The following CLDN14 variants were observed in gnomAD, a reference collection of about 807,000 sequenced individuals.
The protein encoded by CLDN14 is claudin 14, also known as claudin-14.
Under a neutral mutation model 2.1 loss-of-function variants are expected in CLDN14, and 2 were observed. The ratio of observed to expected loss-of-function variants is 0.96; its 90% CI spans 0.39 to 3.01. CLDN14 has a LOEUF of 3.01. Ranked by LOEUF, CLDN14 falls within the 30% of genes most tolerant of loss-of-function variation. The pLI, the probability that CLDN14 is intolerant of heterozygous loss-of-function variation, is 0.09. For missense variants in CLDN14, 298 were observed against 328.0 expected, an observed-to-expected ratio of 0.91 and a Z score of 0.71; for synonymous variants, 136 against 154.4, an observed-to-expected ratio of 0.88 and a Z score of 0.88.
rs979398896 is a variant in CLDN14, at chr21:36,479,804, T to A, written c.-391A>T. The A allele has an allele frequency of 6.6e-6, 1 of 152,156 alleles. No homozygotes were observed. 9.4% of individuals were successfully genotyped at this position (152,156 alleles called of 1,614,324 possible). A position where few individuals can be genotyped will look rare whatever the true frequency, so the allele number is the denominator to read the frequency against. On this transcript the variant is annotated 5_prime_UTR_variant, in exon 1 of 2. Transcript: ENST00000399135. ...CCAACCAGAAATGTCATTTCTGCAC[T>A]GTGGAAAAAAAATGCACGATACACC...
intron 1 of CLDN14, chr21:36,532,182 A>G (rs1314151096): frequency 6.6e-6 from 1 of 152,160 alleles, no homozygotes; most frequent in Non-Finnish European, 1.5e-5. Context: ...GAGTCAAGAG[A>G]CTTAAATTCC....
At chr21:36,522,485 G>A (rs988470299) in intron 1 of CLDN14, among the ~76,000 whole-genome samples, 12 of 152,028 alleles carry the variant, frequency 7.9e-5, no homozygotes, top group African/African-American at 2.7e-4. Flanking sequence ...CAGCAGCCAG[G>A]AATTCCCTCC....
chr21:36,520,290 A>G (rs974995718), intron 1 of CLDN14, among the ~76,000 whole-genome samples: 3 of 152,136 alleles, frequency 2.0e-5, no homozygotes, highest in Non-Finnish European at 4.4e-5. Flanking sequence ...TCTTAACTTG[A>G]TTACATCTGC....
intron 1 of CLDN14, among the ~76,000 whole-genome samples, chr21:36,513,931 A>G (rs1424836961): frequency 1.3e-5 from 2 of 152,160 alleles, no homozygotes. Context: ...TCCCGGGCTC[A>G]AGCAATCGTC....
intron 2 of CLDN14, among the ~76,000 whole-genome samples, chr21:36,504,828 T>C (rs1332050765): frequency 6.6e-6 from 1 of 152,204 alleles, no homozygotes; most frequent in African/African-American, 2.4e-5. Context: ...ATCTTCTGAT[T>C]TGAAGACAGC....
At chr21:36,542,930 T>A (rs1016590355) in intron 1 of CLDN14, 1 of 152,608 alleles carries the variant, frequency 6.6e-6, no homozygotes, top group African/African-American at 2.4e-5. Context: ...CAAAATGCCT[T>A]GCAGCCTTGC....
chr21:36,464,258 C>A (rs925798352), intron 1 of CLDN14, among the ~76,000 whole-genome samples: 1 of 152,220 alleles, frequency 6.6e-6, no homozygotes, highest in African/African-American at 2.4e-5. Context: ...AAGGCCTCCC[C>A]AGCCACGCTT....
chr21:36,516,087 C>T (rs928810198), intron 1 of CLDN14, among the ~76,000 whole-genome samples: 3 of 152,080 alleles, frequency 2.0e-5, no homozygotes, highest in Admixed American at 1.3e-4. Flanking sequence ...TGGGCCCGGC[C>T]GTTTTCCCTT....
chr21:36,470,011 A>T (rs1262860698), intron 1 of CLDN14, among the ~76,000 whole-genome samples: 1 of 152,216 alleles, frequency 6.6e-6, no homozygotes, highest in African/African-American at 2.4e-5. Context: ...GATTAAAAAA[A>T]ATACTAGAAA....
intron 2 of CLDN14, among the ~76,000 whole-genome samples, chr21:36,509,243 C>A (rs1007782579): frequency 6.6e-6 from 1 of 152,164 alleles, no homozygotes; most frequent in Non-Finnish European, 1.5e-5. Context: ...AAGGCACTTC[C>A]GGTGTCCGCC....
At chr21:36,463,442 C>G (rs964753890) in intron 1 of CLDN14, among the ~76,000 whole-genome samples, 1 of 152,128 alleles carries the variant, frequency 6.6e-6, no homozygotes, top group African/African-American at 2.4e-5. Context: ...CGGGGCTCGG[C>G]GGCTCACGCC....
At chr21:36,474,329 A>T (rs189779829) in intron 1 of CLDN14, among the ~76,000 whole-genome samples, 1 of 152,330 alleles carries the variant, frequency 6.6e-6, no homozygotes, top group East Asian at 1.9e-4. Flanking sequence ...ATCGCATTAC[A>T]GGCGTTGCAG....
At chr21:36,465,688 G>T (rs1197056920) in intron 1 of CLDN14, among the ~76,000 whole-genome samples, 1 of 152,222 alleles carries the variant, frequency 6.6e-6, no homozygotes, top group African/African-American at 2.4e-5. Context: ...CCCAAGCCTG[G>T]CCTCCCAGGG....
intron 1 of CLDN14, among the ~76,000 whole-genome samples, chr21:36,565,293 G>C (rs958261378): frequency 1.3e-5 from 2 of 152,148 alleles, no homozygotes; most frequent in Non-Finnish European, 2.9e-5. Context: ...GTGAGAATGG[G>C]CATGAGGTCA....
chr21:36,511,110 C>A (rs2146484716), intron 1 of CLDN14, among the ~76,000 whole-genome samples: 1 of 152,316 alleles, frequency 6.6e-6, no homozygotes, highest in South Asian at 2.1e-4. Context: ...GTGGCAGAAA[C>A]ACGGAGGGAG....
At chr21:36,562,742 G>A (rs1222709940) in intron 1 of CLDN14, among the ~76,000 whole-genome samples, 3 of 148,262 alleles carry the variant, frequency 2.0e-5, no homozygotes, top group Non-Finnish European at 1.5e-5. Flanking sequence ...CCTCTTTCCC[G>A]CCTGGGGAAT....
chr21:36,523,684 G>A (rs2087291641), intron 1 of CLDN14, among the ~76,000 whole-genome samples: 1 of 149,306 alleles, frequency 6.7e-6, no homozygotes, highest in East Asian at 2.0e-4. Flanking sequence ...GGAGGTGGAG[G>A]TTGCAGTGAG....
At chr21:36,566,424 T>A (rs547862895) in intron 1 of CLDN14, among the ~76,000 whole-genome samples, 2 of 152,310 alleles carry the variant, frequency 1.3e-5, no homozygotes, top group South Asian at 4.1e-4. Flanking sequence ...GCCCTATGAA[T>A]GCAAATCTCA....
chr21:36,489,432 G>A (rs1003114386), intron 2 of CLDN14, among the ~76,000 whole-genome samples: 1 of 152,136 alleles, frequency 6.6e-6, no homozygotes, highest in Non-Finnish European at 1.5e-5. Context: ...ACCCCAGGAG[G>A]ATGAGCGACA....
Sources: gnomAD v4.1 joint callset for allele counts (sites outside exome capture counted in the v4.1 genomes callset) on GRCh38, gnomAD v4.1.1 for gene constraint, MANE v1.5 for transcripts, NCBI Gene and HGNC (gene_info 2026-07-23, HGNC 2026-07-21) for gene names.